ATG4C: variants seen among roughly 807,000 people sequenced by gnomAD.
ATG4C encodes cysteine protease ATG4C.
In ATG4C, 56 loss-of-function variants were observed where a neutral mutation model predicts 57.6. That is an observed-to-expected ratio of 0.97 (90% CI 0.78 to 1.21). ATG4C has a LOEUF of 1.21. Ranked by LOEUF, ATG4C falls within the 50% of genes most tolerant of loss-of-function variation. The probability of loss-of-function intolerance (pLI) is 0.00; values close to 1 mark genes in which losing one functional copy is unlikely to be tolerated. For missense variants in ATG4C, 595 were observed against 529.8 expected, an observed-to-expected ratio of 1.12 and a Z score of -1.21; for synonymous variants, 157 against 174.1, an observed-to-expected ratio of 0.90 and a Z score of 0.78.
rs566522897 is a variant in ATG4C at position 62,816,488 on chromosome 1, C to T, written c.161-87C>T. 12 of 849,078 alleles carry T rather than the reference C, an allele frequency of 1.4e-5. No individual in the cohort carries two copies. In the African/African-American group the frequency reaches 1.6e-4, roughly 11 times the overall value. The allele number at this position is 849,078 out of a possible 1,614,324, so 52.6% of individuals were successfully genotyped here. On this transcript the variant is annotated intron_variant, in intron 3 of 10. Transcript: ENST00000317868. ...AAAGGATTGGAAAGATTGTGACATA[C>T]TTCACATCTTAAGACAGTAATGATA... is the stretch of plus-strand genomic sequence containing the variant.
Position 62,863,973 on chromosome 1 carries a change from T to C in ATG4C, c.1210-19T>C, listed in dbSNP as rs1241737671. 1 of 1,528,614 alleles carries C rather than the reference T, an allele frequency of 6.5e-7. No homozygotes were observed. The highest frequency in any genetic ancestry group is 2.3e-5 in the East Asian group (1 of 43,814). 94.7% of individuals were successfully genotyped at this position (1,528,614 alleles called of 1,614,324 possible). A position where few individuals can be genotyped will look rare whatever the true frequency, so the allele number is the denominator to read the frequency against. Reference sequence around the variant, plus strand: ...ACTATTGCATCCAATAAGGAATTCTTCTATACTTTCTGTTACAGATGCTGA... The same window carrying C: ...ACTATTGCATCCAATAAGGAATTCTCCTATACTTTCTGTTACAGATGCTGA... On this transcript the variant is annotated intron_variant, in intron 10 of 10. Coordinates refer to ENST00000317868, the MANE Select transcript of ATG4C (RefSeq NM_032852.4).
intron 10 of ATG4C, among the ~76,000 whole-genome samples, chr1:62,848,894 CATT>C (rs1461265633): frequency 6.6e-6 from 1 of 152,130 alleles, no homozygotes; most frequent in Non-Finnish European, 1.5e-5. Flanking sequence ...TTGATTTTCA[CATT>C]ATATTTTTGA....
intron 10 of ATG4C, among the ~76,000 whole-genome samples, chr1:62,842,315 T>TTG (rs1287383779): frequency 2.0e-5 from 3 of 151,668 alleles, no homozygotes; most frequent in Admixed American, 2.0e-4. Flanking sequence ...TTTTTTTTTT[T>TTG]TTTGAGACTA....
At chr1:62,821,568 G>A (rs1665483566) in intron 6 of ATG4C, among the ~76,000 whole-genome samples, 1 of 152,010 alleles carries the variant, frequency 6.6e-6, no homozygotes, top group Non-Finnish European at 1.5e-5. Flanking sequence ...ATCTTATGAG[G>A]AATTGAATAT....
rs777762279 is a variant in ATG4C at position 62,832,458 on chromosome 1, C to T, written c.934-1580C>T. On this transcript the variant is annotated intron_variant, in intron 7 of 10. Transcript: ENST00000317868. ...TGCTGCGCTCTCACATGGTGGAAGA[C>T]AGAAGGGCCGAAAGAGGGCGAACTC... 9.2e-5 allele frequency among the ~76,000 whole-genome samples: 14 copies of T among 152,246 alleles called. No homozygotes were observed. In the East Asian group the frequency reaches 2.5e-3, roughly 27 times the overall value.
chr1:62,819,239 C>T lies in ATG4C; in HGVS notation c.629C>T (p.Ala210Val). 1.2e-6 allele frequency: 2 copies of T among 1,613,518 alleles called. No homozygotes were observed. The highest frequency in any genetic ancestry group is 1.7e-6 in the Non-Finnish European group (2 of 1,179,682). ...IISWFGDSPL[A>V]LFGLHQLIEY... is the part of the protein sequence containing the mutation. ...TCTTGGTTTGGTGATTCCCCCTTGGCTCTTTTTGGCTTACATCAACTAATA... is the reference window on the plus strand; with the variant it reads ...TCTTGGTTTGGTGATTCCCCCTTGGTTCTTTTTGGCTTACATCAACTAATA... The change falls in exon 5 of 11, where the codon GCT becomes GTT. Residue 210 changes from alanine to valine, a missense_variant. Physicochemically the swap from Ala to Val is moderately conservative, Grantham distance 64 (BLOSUM62 0). Coordinates refer to ENST00000317868, the MANE Select transcript of ATG4C (RefSeq NM_032852.4).
chr1:62,857,441 C>T (rs1312367089), intron 10 of ATG4C, among the ~76,000 whole-genome samples: 1 of 152,132 alleles, frequency 6.6e-6, no homozygotes, highest in Non-Finnish European at 1.5e-5. Flanking sequence ...AAAACAAGCT[C>T]AGGGCTCCCA....
At chr1:62,811,916 T>A (rs545214062) in intron 3 of ATG4C, among the ~76,000 whole-genome samples, 1 of 152,284 alleles carries the variant, frequency 6.6e-6, no homozygotes, top group South Asian at 2.1e-4. Context: ...AGAAAAAAAT[T>A]GATTTTATTA....
In ATG4C at chr1:62,821,253, AC is replaced by A. The variant is rs984880106; in HGVS notation, c.796+45del. ...TCTAATCTTTGTTTTATTTGGTCAT[AC>A]TTTTTATATGTGTTTAGCTTATCCC... On this transcript the variant is annotated intron_variant, in intron 6 of 10. Transcript: ENST00000317868. 2.2e-6 allele frequency: 3 copies of A among 1,335,520 alleles called. No individual in the cohort carries two copies. In the African/African-American group the frequency reaches 4.5e-5, roughly 20 times the overall value. The allele number at this position is 1,335,520 out of a possible 1,614,324, so 82.7% of individuals were successfully genotyped here. A position where few individuals can be genotyped will look rare whatever the true frequency, so the allele number is the denominator to read the frequency against.
At chr1:62,792,771 G>A (rs776942079) in intron 1 of ATG4C, among the ~76,000 whole-genome samples, 1 of 152,146 alleles carries the variant, frequency 6.6e-6, no homozygotes, top group Non-Finnish European at 1.5e-5. Flanking sequence ...AGGGACTGCA[G>A]TTGGCAAGGA....
At chr1:62,859,394 A>G (rs902853834) in intron 10 of ATG4C, among the ~76,000 whole-genome samples, 3 of 152,212 alleles carry the variant, frequency 2.0e-5, no homozygotes, top group African/African-American at 7.2e-5. Context: ...TGAATACTAG[A>G]GGCAATTATA....
chr1:62,857,922 G>A (rs1277845514), intron 10 of ATG4C, among the ~76,000 whole-genome samples: 1 of 152,190 alleles, frequency 6.6e-6, no homozygotes, highest in East Asian at 1.9e-4. Flanking sequence ...AAGTGGGTGT[G>A]TGCTGGAAGT....
At chr1:62,821,108 T>A (rs764158005) in intron 5 of ATG4C, 31 bp from the exon 6 acceptor site, 1 of 1,537,376 alleles carries the variant, frequency 6.5e-7, no homozygotes, top group Non-Finnish European at 8.8e-7. Context: ...AATGTTAGGA[T>A]TTTGAAAGAT....
At chr1:62,809,321 A>G (rs1664987879) in intron 3 of ATG4C, among the ~76,000 whole-genome samples, 1 of 150,872 alleles carries the variant, frequency 6.6e-6, no homozygotes. Flanking sequence ...AAAAATATCC[A>G]CATGATATTT....
intron 10 of ATG4C, among the ~76,000 whole-genome samples, chr1:62,850,934 T>C (rs1666505519): frequency 6.9e-6 from 1 of 145,720 alleles, no homozygotes; most frequent in Non-Finnish European, 1.5e-5. Flanking sequence ...TGTTTAGTTA[T>C]CTATCATCTG....
At chr1:62,859,952 G>A (rs2100367914) in intron 10 of ATG4C, among the ~76,000 whole-genome samples, 1 of 152,006 alleles carries the variant, frequency 6.6e-6, no homozygotes, top group East Asian at 1.9e-4. Flanking sequence ...CTTTTTGACT[G>A]TTTTATAAGC....
intron 9 of ATG4C, 78 bp downstream of exon 9, chr1:62,834,930 A>G: frequency 1.6e-6 from 2 of 1,214,670 alleles, no homozygotes; most frequent in Non-Finnish European, 2.4e-6. Context: ...CTAGGTAGCT[A>G]TGCTTTTACG....
chr1:62,794,195 A>C (rs1664386270), intron 1 of ATG4C, among the ~76,000 whole-genome samples: 1 of 152,158 alleles, frequency 6.6e-6, no homozygotes, highest in African/African-American at 2.4e-5. Flanking sequence ...TATGATGATT[A>C]CTTTGCACAG....
At chr1:62,857,730 T>C (rs551795662) in intron 10 of ATG4C, among the ~76,000 whole-genome samples, 1 of 152,312 alleles carries the variant, frequency 6.6e-6, no homozygotes, top group South Asian at 2.1e-4. Context: ...GAGCCGGTTT[T>C]ATTTTTATTG....
Sources: allele counts gnomAD v4.1 joint callset (sites outside exome capture counted in the v4.1 genomes callset), GRCh38; gene constraint gnomAD v4.1.1; transcripts MANE v1.5; gene names NCBI Gene and HGNC (gene_info 2026-07-23, HGNC 2026-07-21).